The following RTRAF variants were observed in gnomAD, a reference collection of about 807,000 sequenced individuals.
RTRAF encodes the protein tRNA-splicing ligase complex subunit RTRAF.
Under a neutral mutation model 34.4 loss-of-function variants are expected in RTRAF, and 14 were observed. The ratio of observed to expected loss-of-function variants is 0.41; its 90% CI spans 0.27 to 0.64. RTRAF has a LOEUF of 0.64. RTRAF is among the 30% of genes least tolerant of loss of function. The probability of loss-of-function intolerance (pLI) is 0.34; values close to 1 mark genes in which losing one functional copy is unlikely to be tolerated. For synonymous variants in RTRAF, 96 were observed against 95.3 expected (o/e 1.01, Z -0.04); for missense variants, 291 against 288.4 (o/e 1.01, Z -0.06).
chr14:52,007,909 C>T lies in RTRAF; in HGVS notation c.*3393C>T. 6.2e-7 allele frequency: 1 copy of T among 1,613,836 alleles called. No individual in the cohort carries two copies. Among genetic ancestry groups the T allele is most frequent in the Non-Finnish European group, 8.5e-7 (1 of 1,179,866 alleles). ...ATCAGAATTCTTCTGTTTTCTCCAT[C>T]TAAAGATGACGTTTCAATTTTAGGA... On this transcript the variant is annotated 3_prime_UTR_variant, in exon 8 of 8. Coordinates refer to ENST00000261700, the MANE Select transcript of RTRAF (RefSeq NM_016039.3).
In RTRAF at chr14:51,998,546, A is replaced by T. The variant is rs192321991; in HGVS notation, c.339A>T (p.Ala113=). ...ATAATTCAAAAACTGCTGACAATGC[A>T]ACTAAAAATGCAGAACCATTGATCA... is the stretch of plus-strand genomic sequence containing the variant. The part of the protein sequence containing the change: ...VPDNSKTADN[A]TKNAEPLINL... Residue 113 remains alanine (A), a synonymous_variant, in exon 4 of 8, where the codon GCA becomes GCT. Transcript: ENST00000261700. The T allele has an allele frequency of 3.8e-6, 6 of 1,592,680 alleles. No homozygotes were observed. The African/African-American group carries it at 6.8e-5, about 18-fold the overall frequency.
chr14:52,005,933 T>C lies in RTRAF; in HGVS notation c.*1417T>C. 2.0e-6 allele frequency: 2 copies of C among 1,022,442 alleles called. No homozygotes were observed. Among genetic ancestry groups the C allele is most frequent in the East Asian group, 4.8e-5 (2 of 41,594 alleles). 63.3% of individuals were successfully genotyped at this position (1,022,442 alleles called of 1,614,324 possible). A position where few individuals can be genotyped will look rare whatever the true frequency, so the allele number is the denominator to read the frequency against. On this transcript the variant is annotated 3_prime_UTR_variant, in exon 8 of 8. Transcript: ENST00000261700. ...GTCAGCCACAGAAAATCAGTTGCAA[T>C]AGAGGAAAATTTCTGGCAGCCTTCT... is the stretch of plus-strand genomic sequence containing the variant.
chr14:52,006,849 TC>T lies in RTRAF; in HGVS notation c.*2334del. 2 of 479,138 alleles carry T rather than the reference TC, an allele frequency of 4.2e-6. No homozygotes were observed. Among genetic ancestry groups the T allele is most frequent in the Non-Finnish European group, 7.2e-6 (2 of 276,856 alleles). 29.7% of individuals were successfully genotyped at this position (479,138 alleles called of 1,614,324 possible). Reference sequence around the variant, plus strand: ...CAGTTTTTAGTAGAGATTCAAACTTTCAATCCTTTTTTGGAAGACAGGATTG... The same window carrying T: ...CAGTTTTTAGTAGAGATTCAAACTTTAATCCTTTTTTGGAAGACAGGATTG... On this transcript the variant is annotated 3_prime_UTR_variant, in exon 8 of 8. Transcript: ENST00000261700.
At chr14:51,999,081 G>A (rs1890565349) in intron 4 of RTRAF, among the ~76,000 whole-genome samples, 1 of 151,986 alleles carries the variant, frequency 6.6e-6, no homozygotes, top group Non-Finnish European at 1.5e-5. Flanking sequence ...ACACTCCAGA[G>A]CTGCTGCTTA....
intron 5 of RTRAF, among the ~76,000 whole-genome samples, chr14:52,000,315 C>A (rs1042687998): frequency 6.6e-6 from 1 of 151,966 alleles, no homozygotes; most frequent in Non-Finnish European, 1.5e-5. Context: ...TCTTTCTGTC[C>A]CCGATGCTAG....
Position 52,007,419 on chromosome 14 carries a change from C to T in RTRAF, c.*2903C>T. 1 of 203,660 alleles carries T rather than the reference C, an allele frequency of 4.9e-6. No individual in the cohort carries two copies. The highest frequency in any genetic ancestry group is 9.8e-6 in the Non-Finnish European group (1 of 101,608). 12.6% of individuals were successfully genotyped at this position (203,660 alleles called of 1,614,324 possible). The stretch of plus-strand genomic sequence containing the variant: ...CCATGTTATTACTGAAGGAAGCTAC[C>T]CTGCTACAATGCTTTCCAAAGAATG... On this transcript the variant is annotated 3_prime_UTR_variant, in exon 8 of 8. Coordinates refer to ENST00000261700, the MANE Select transcript of RTRAF (RefSeq NM_016039.3).
intron 3 of RTRAF, among the ~76,000 whole-genome samples, chr14:51,995,269 G>T (rs1454403076): frequency 2.0e-5 from 3 of 151,766 alleles, no homozygotes; most frequent in Non-Finnish European, 4.4e-5. Flanking sequence ...AGCAAGGCAG[G>T]TTCCTTTTGG....
At position 52,004,012 on chromosome 14, in the gene RTRAF, A is replaced by C. The variant is rs1890658922; in HGVS notation, c.532-182A>C. Reference sequence around the variant, plus strand: ...TAACTTTTCCCCCTAACCGGTTGAAATAGGGAAAACTCGCTAATCACAATC... The same window carrying C: ...TAACTTTTCCCCCTAACCGGTTGAACTAGGGAAAACTCGCTAATCACAATC... On this transcript the variant is annotated intron_variant, in intron 6 of 7. Transcript: ENST00000261700. 4 of 613,952 alleles carry C rather than the reference A, an allele frequency of 6.5e-6. No individual in the cohort carries two copies. In the South Asian group the frequency reaches 8.4e-5, roughly 13 times the overall value. 38.0% of individuals were successfully genotyped at this position (613,952 alleles called of 1,614,324 possible). A position where few individuals can be genotyped will look rare whatever the true frequency, so the allele number is the denominator to read the frequency against.
chr14:52,005,257 G>GTTACCTTTTTAAA lies in RTRAF; in HGVS notation c.*742_*754dup. 2 of 388,566 alleles carry GTTACCTTTTTAAA rather than the reference G, an allele frequency of 5.1e-6. No individual in the cohort carries two copies. Among genetic ancestry groups the GTTACCTTTTTAAA allele is most frequent in the Non-Finnish European group, 9.1e-6 (2 of 219,132 alleles). 24.1% of individuals were successfully genotyped at this position (388,566 alleles called of 1,614,324 possible). On this transcript the variant is annotated 3_prime_UTR_variant, in exon 8 of 8. Coordinates refer to ENST00000261700, the MANE Select transcript of RTRAF (RefSeq NM_016039.3). ...TTTAATAAGCAACAGTTAAAATTCT[G>GTTACCTTTTTAAA]TTACCTTTTTAAACTTGCAATAACA...
Position 52,001,866 on chromosome 14 carries a change from G to C in RTRAF, c.531G>C (p.Glu177Asp). ...TTGCTAAGGCAAATCAAACAAAAGA[G>C]GTACGTTTCTATAAATCCTAAATAA... ...DAVAKANQTK[E>D]GLPVALDKHI... Residue 177 changes from glutamate to aspartate, a missense_variant and splice_region_variant, in exon 6 of 8, where the codon GAG (glutamate) becomes GAC (aspartate). Glu to Asp is a conservative substitution (Grantham distance 45). Transcript: ENST00000261700. The C allele has an allele frequency of 6.2e-7, 1 of 1,607,156 alleles. No individual in the cohort carries two copies. Among genetic ancestry groups the C allele is most frequent in the Non-Finnish European group, 8.5e-7 (1 of 1,177,654 alleles).
Position 51,989,567 on chromosome 14 carries a change from C to G in RTRAF, c.-73C>G, listed in dbSNP as rs1189138714. 1.3e-6 allele frequency: 2 copies of G among 1,498,154 alleles called. No individual in the cohort carries two copies. Among genetic ancestry groups the G allele is most frequent in the Admixed American group, 2.0e-5 (1 of 49,252 alleles). 92.8% of individuals were successfully genotyped at this position (1,498,154 alleles called of 1,614,324 possible). A position where few individuals can be genotyped will look rare whatever the true frequency, so the allele number is the denominator to read the frequency against. On this transcript the variant is annotated 5_prime_UTR_variant, in exon 1 of 8. Coordinates refer to ENST00000261700, the MANE Select transcript of RTRAF (RefSeq NM_016039.3). Reference sequence around the variant, plus strand: ...CGCCCTCTCGCCGCGTCGCCGGTGCCTGCGCCTCCCGCTCCACCTCGCTTC... The same window carrying G: ...CGCCCTCTCGCCGCGTCGCCGGTGCGTGCGCCTCCCGCTCCACCTCGCTTC...
Position 52,004,652 on chromosome 14 carries a change from C to T in RTRAF, c.*136C>T. On this transcript the variant is annotated 3_prime_UTR_variant, in exon 8 of 8. Coordinates refer to ENST00000261700, the MANE Select transcript of RTRAF (RefSeq NM_016039.3). ...TGGGTATGTTCTAGAGATTTACCAC[C>T]ATTGCTTATTGCTTTTTTCTTTAAT... The T allele has an allele frequency of 9.6e-6, 7 of 725,774 alleles. No homozygotes were observed. The highest frequency in any genetic ancestry group is 1.5e-5 in the Non-Finnish European group (7 of 461,344). 45.0% of individuals were successfully genotyped at this position (725,774 alleles called of 1,614,324 possible). A position where few individuals can be genotyped will look rare whatever the true frequency, so the allele number is the denominator to read the frequency against.
chr14:52,010,296 A>AAGAT lies in RTRAF; in HGVS notation c.*5782_*5785dup, dbSNP rs1445352164. ...CACTTAAACATGGCAAGAGTTTCTC[A>AAGAT]AGATATAAAAATTCTCCCTGATTGT... On this transcript the variant is annotated 3_prime_UTR_variant, in exon 8 of 8. Transcript: ENST00000261700. The AAGAT allele has an allele frequency of 5.3e-5, 8 of 152,260 alleles. No individual in the cohort carries two copies. The highest frequency in any genetic ancestry group is 1.9e-4 in the African/African-American group (8 of 41,470). 9.4% of individuals were successfully genotyped at this position (152,260 alleles called of 1,614,324 possible). A position where few individuals can be genotyped will look rare whatever the true frequency, so the allele number is the denominator to read the frequency against.
chr14:52,010,108 G>A lies in RTRAF; in HGVS notation c.*5592G>A, dbSNP rs1326603104. ...CTGTTAAGTCAACTGGAATAGAGAA[G>A]GATACAGGTACTTTTCCTGTGTGTA... On this transcript the variant is annotated 3_prime_UTR_variant, in exon 8 of 8. Transcript: ENST00000261700. 2 of 152,230 alleles carry A rather than the reference G, an allele frequency of 1.3e-5. No individual in the cohort carries two copies. The highest frequency in any genetic ancestry group is 2.9e-5 in the Non-Finnish European group (2 of 68,046). The allele number at this position is 152,230 out of a possible 1,614,324, so 9.4% of individuals were successfully genotyped here. A position where few individuals can be genotyped will look rare whatever the true frequency, so the allele number is the denominator to read the frequency against.
In RTRAF at chr14:52,004,589, C is replaced by A. The variant is rs1336973399; in HGVS notation, c.*73C>A. Reference sequence around the variant, plus strand: ...ATACACTTCTGGCATGTTTGGAAATCAAAATGTCACATTCTCGGGGGAGGA... The same window carrying A: ...ATACACTTCTGGCATGTTTGGAAATAAAAATGTCACATTCTCGGGGGAGGA... On this transcript the variant is annotated 3_prime_UTR_variant, in exon 8 of 8. Transcript: ENST00000261700. 2.9e-6 allele frequency: 4 copies of A among 1,402,856 alleles called. No individual in the cohort carries two copies. The highest frequency in any genetic ancestry group is 3.8e-6 in the Non-Finnish European group (4 of 1,044,256). The allele number at this position is 1,402,856 out of a possible 1,614,324, so 86.9% of individuals were successfully genotyped here.
intron 5 of RTRAF, among the ~76,000 whole-genome samples, chr14:52,000,997 A>G (rs774228042): frequency 1.6e-4 from 25 of 152,228 alleles, no homozygotes; most frequent in Non-Finnish European, 3.2e-4. Context: ...CATTCAAACA[A>G]TAACATAATA....
chr14:52,007,535 A>G lies in RTRAF; in HGVS notation c.*3019A>G. ...TTCACTTAAGTTTGTCAATTCAACA[A>G]TGGCTAATTCTTTTAACTGTTAAAA... On this transcript the variant is annotated 3_prime_UTR_variant, in exon 8 of 8. Coordinates refer to ENST00000261700, the MANE Select transcript of RTRAF (RefSeq NM_016039.3). The G allele has an allele frequency of 2.5e-6, 1 of 398,938 alleles. No homozygotes were observed. Among genetic ancestry groups the G allele is most frequent in the Non-Finnish European group, 4.5e-6 (1 of 222,718 alleles). The allele number at this position is 398,938 out of a possible 1,614,324, so 24.7% of individuals were successfully genotyped here.
rs1890664238 is a variant in RTRAF, at chr14:52,004,214, C to T, written c.552C>T (p.Asp184=). The T allele has an allele frequency of 6.2e-7, 1 of 1,613,140 alleles. No individual in the cohort carries two copies. Among genetic ancestry groups the T allele is most frequent in the South Asian group, 1.1e-5 (1 of 90,976 alleles). The change falls in exon 7 of 8, where the codon GAC becomes GAT. Residue 184 remains aspartate (D), a synonymous_variant. Transcript: ENST00000261700. ...TAAAGGGCTTACCTGTTGCTTTAGA[C>T]AAACATATTCTTGGTTTTGACACAG... ...QTKEGLPVAL[D]KHILGFDTGD... is the part of the protein sequence containing the mutation.
chr14:51,989,788 ACCCTCGGCGG>A, intron 1 of RTRAF, 88 bp downstream of exon 1: 2 of 1,368,518 alleles, frequency 1.5e-6, no homozygotes, highest in Non-Finnish European at 2.0e-6. Flanking sequence ...CCCCGTCGGG[ACCCTCGGCGG>A]CCTGGTTTCC....
Sources: allele counts gnomAD v4.1 joint callset (sites outside exome capture counted in the v4.1 genomes callset), GRCh38; gene constraint gnomAD v4.1.1; transcripts MANE v1.5; gene names NCBI Gene and HGNC (gene_info 2026-07-23, HGNC 2026-07-21).